The following LRRC7 variants were observed in gnomAD, a reference collection of about 807,000 sequenced individuals.
LRRC7 encodes leucine-rich repeat-containing protein 7.
LRRC7 carries 23 observed loss-of-function variants against 175.7 expected under a neutral mutation model. The ratio of observed to expected loss-of-function variants is 0.13; its 90% CI spans 0.09 to 0.19. The LOEUF is 0.19. LRRC7 is among the 10% of genes least tolerant of loss of function. LRRC7 has a pLI of 1.00. For missense variants in LRRC7, 1,354 were observed against 1,904.7 expected (o/e 0.71, Z 5.38); for synonymous variants, 685 against 680.9 (o/e 1.01, Z -0.09).
intron 7 of LRRC7, among the ~76,000 whole-genome samples, chr1:69,899,620 T>C (rs1316873386): frequency 2.6e-5 from 4 of 152,196 alleles, no homozygotes; most frequent in Admixed American, 1.3e-4. Context: ...CGTAAACAAA[T>C]GATCATGGCT....
intron 7 of LRRC7, among the ~76,000 whole-genome samples, chr1:69,898,740 T>G (rs1187911024): frequency 6.6e-6 from 1 of 151,714 alleles, no homozygotes; most frequent in East Asian, 1.9e-4. Flanking sequence ...AGATAGTATC[T>G]GTGGAGGATA....
intron 7 of LRRC7, among the ~76,000 whole-genome samples, chr1:69,917,414 C>T (rs927100932): frequency 6.6e-6 from 1 of 152,168 alleles, no homozygotes; most frequent in Non-Finnish European, 1.5e-5. Flanking sequence ...CCAATGAGTG[C>T]ATTCCTCAGG....
intron 8 of LRRC7, among the ~76,000 whole-genome samples, chr1:69,952,097 G>A (rs1251620086): frequency 6.6e-6 from 1 of 151,740 alleles, no homozygotes; most frequent in Non-Finnish European, 1.5e-5. Flanking sequence ...GAAGAAAAAG[G>A]GGTTCTGGAA....
At chr1:69,843,134 G>T (rs1365530588) in intron 7 of LRRC7, among the ~76,000 whole-genome samples, 1 of 152,048 alleles carries the variant, frequency 6.6e-6, no homozygotes, top group Non-Finnish European at 1.5e-5. Flanking sequence ...GGGAGGCAGA[G>T]GTTGCAGAGA....
At chr1:69,680,999 A>T (rs1297793594) in intron 2 of LRRC7, among the ~76,000 whole-genome samples, 1 of 152,020 alleles carries the variant, frequency 6.6e-6, no homozygotes, top group Non-Finnish European at 1.5e-5. Context: ...TTTCAAACTA[A>T]ACATTTGTTT....
intron 7 of LRRC7, among the ~76,000 whole-genome samples, chr1:69,858,500 C>A (rs945431619): frequency 1.3e-5 from 2 of 151,486 alleles, no homozygotes; most frequent in African/African-American, 4.8e-5. Context: ...CAGGCTACAC[C>A]AATATTAGCA....
rs1028095823 is a variant in LRRC7, at chr1:69,568,176, C to G, written c.-464C>G. On this transcript the variant is annotated 5_prime_UTR_variant, in exon 1 of 27. Transcript: ENST00000651989. ...GCGCGGCAACGGGCAGGGGTTGTTA[C>G]GGAGTTGGGTGCAGGATTCGCCTTT... 5.9e-5 allele frequency among the ~76,000 whole-genome samples: 9 copies of G among 152,002 alleles called. No homozygotes were observed. Among genetic ancestry groups the G allele is most frequent in the African/African-American group, 2.2e-4 (9 of 41,394 alleles).
chr1:69,816,044 G>A (rs1248727750), intron 4 of LRRC7, among the ~76,000 whole-genome samples: 1 of 151,936 alleles, frequency 6.6e-6, no homozygotes, highest in Admixed American at 6.6e-5. Context: ...GCAGTGGCAT[G>A]ATCTCAGCTC....
chr1:69,649,851 T>C (rs1655530183), intron 1 of LRRC7, among the ~76,000 whole-genome samples: 1 of 128,160 alleles, frequency 7.8e-6, no homozygotes, highest in Non-Finnish European at 1.7e-5. Flanking sequence ...TCAAAGTGAT[T>C]GAAAAAAAAA....
At chr1:69,852,053 T>C (rs1180330792) in intron 7 of LRRC7, among the ~76,000 whole-genome samples, 1 of 152,128 alleles carries the variant, frequency 6.6e-6, no homozygotes, top group Non-Finnish European at 1.5e-5. Flanking sequence ...ATACCGTAAG[T>C]CTTTAAAGTG....
At chr1:70,045,696 C>G (rs1241724849) in intron 22 of LRRC7, among the ~76,000 whole-genome samples, 1 of 152,132 alleles carries the variant, frequency 6.6e-6, no homozygotes, top group Non-Finnish European at 1.5e-5. Flanking sequence ...ATACCCAAGA[C>G]TGGGTAATTT....
intron 3 of LRRC7, among the ~76,000 whole-genome samples, chr1:69,774,660 T>C (rs1161364647): frequency 6.6e-6 from 1 of 152,186 alleles, no homozygotes; most frequent in Non-Finnish European, 1.5e-5. Flanking sequence ...ACATATTACA[T>C]TTATGTTTAA....
At chr1:70,058,103 G>A (rs1004811778) in intron 23 of LRRC7, among the ~76,000 whole-genome samples, 1 of 149,686 alleles carries the variant, frequency 6.7e-6, no homozygotes, top group Non-Finnish European at 1.5e-5. Flanking sequence ...TCCCCATCCT[G>A]GGTTCAAGTG....
At chr1:69,896,983 T>G (rs757180121) in intron 7 of LRRC7, among the ~76,000 whole-genome samples, 1 of 152,178 alleles carries the variant, frequency 6.6e-6, no homozygotes, top group Non-Finnish European at 1.5e-5. Context: ...TTTGTGATAT[T>G]GAGAGATTTT....
At chr1:69,716,111 G>T in intron 2 of LRRC7, 1 of 413,446 alleles carries the variant, frequency 2.4e-6, no homozygotes, top group Non-Finnish European at 4.4e-6. Flanking sequence ...GCAGTTAATT[G>T]AAATTTTTTA....
intron 1 of LRRC7, among the ~76,000 whole-genome samples, chr1:69,598,540 A>G (rs1385425261): frequency 2.0e-5 from 3 of 152,224 alleles, no homozygotes; most frequent in South Asian, 2.1e-4. Context: ...AGGGGAAGTC[A>G]ATCATTTTCT....
At chr1:69,958,738 T>C (rs1489861068) in intron 8 of LRRC7, among the ~76,000 whole-genome samples, 3 of 152,012 alleles carry the variant, frequency 2.0e-5, no homozygotes, top group African/African-American at 7.2e-5. Flanking sequence ...ATAAATGTAT[T>C]GCACTAAATT....
intron 25 of LRRC7, among the ~76,000 whole-genome samples, chr1:70,096,399 A>G (rs964087891): frequency 1.3e-5 from 2 of 152,230 alleles, no homozygotes; most frequent in African/African-American, 4.8e-5. Flanking sequence ...AATCGTGTTG[A>G]ATAAACCCAT....
rs1367564853 is a variant in LRRC7, at chr1:70,038,096, T to C, written c.2289-17T>C. On this transcript the variant is annotated splice_polypyrimidine_tract_variant and intron_variant, in intron 20 of 26. Transcript: ENST00000651989. ...CTCTTCGTCCTTTTCAATTTCTTCTTCCCATTGTGTTCACAGGATTGCACC... is the reference window on the plus strand; with the variant it reads ...CTCTTCGTCCTTTTCAATTTCTTCTCCCCATTGTGTTCACAGGATTGCACC... 1.9e-6 allele frequency: 3 copies of C among 1,572,830 alleles called. No individual in the cohort carries two copies. Among genetic ancestry groups the C allele is most frequent in the African/African-American group, 2.7e-5 (2 of 73,498 alleles).
Sources: allele counts gnomAD v4.1 joint callset (sites outside exome capture counted in the v4.1 genomes callset), GRCh38; gene constraint gnomAD v4.1.1; transcripts MANE v1.5; gene names NCBI Gene and HGNC (gene_info 2026-07-23, HGNC 2026-07-21).